PPP1R9A: variants seen among roughly 807,000 people sequenced by gnomAD.
PPP1R9A encodes the protein neurabin-1.
PPP1R9A carries 59 observed loss-of-function variants against 141.9 expected under a neutral mutation model. That is an observed-to-expected ratio of 0.42 (90% confidence interval 0.34 to 0.52). The LOEUF (loss-of-function observed/expected upper bound fraction) is 0.52. Ranked by LOEUF, PPP1R9A falls within the 20% of genes least tolerant of loss-of-function variation. The pLI, the probability that PPP1R9A is intolerant of heterozygous loss-of-function variation, is 0.10. For missense variants in PPP1R9A, 1,444 were observed against 1,611.9 expected (o/e 0.90, Z 1.78); for synonymous variants, 500 against 569.7 (o/e 0.88, Z 1.74).
At chr7:95,020,098 A>G (rs541491199) in intron 2 of PPP1R9A, among the ~76,000 whole-genome samples, 27 of 152,218 alleles carry the variant, frequency 1.8e-4, no homozygotes, top group African/African-American at 6.3e-4. Context: ...ATTACCCTTA[A>G]AGAAGCCAGA....
At chr7:95,041,451 A>G (rs1219659834) in intron 2 of PPP1R9A, among the ~76,000 whole-genome samples, 1 of 152,172 alleles carries the variant, frequency 6.6e-6, no homozygotes, top group African/African-American at 2.4e-5. Context: ...ATCATATTTC[A>G]TCTTGACAAT....
In PPP1R9A at chr7:95,269,462, C is replaced by G. The variant is rs1563533192; in HGVS notation, c.3079C>G (p.Pro1027Ala). The change falls in exon 14 of 20, where the codon CCT (proline) becomes GCT (alanine). Residue 1027 changes from proline (P) to alanine (A), a missense_variant. By Grantham distance (27) the Pro-to-Ala change is conservative. Around this residue, in one of 5 missense-constraint regions of PPP1R9A, gnomAD observed 459 missense variants for 513.8 expected, o/e 0.89. Transcript: ENST00000433360. ...GTCTGATCATGATGTGGAAGAATCT[C>G]CTTGCCATCACCAAACCACCAACAA... ...SKSDHDVEESPCHHQTTNKKI... is the reference protein window; with the variant it reads ...SKSDHDVEESACHHQTTNKKI... 6.3e-7 allele frequency: 1 copy of G among 1,588,688 alleles called. No individual in the cohort carries two copies. The highest frequency in any genetic ancestry group is 8.5e-7 in the Non-Finnish European group (1 of 1,171,874).
chr7:94,922,460 C>A (rs1245325453), intron 2 of PPP1R9A, among the ~76,000 whole-genome samples: 1 of 151,946 alleles, frequency 6.6e-6, no homozygotes, highest in Non-Finnish European at 1.5e-5. Context: ...TTAGTAAAGA[C>A]TACATCAATG....
intron 2 of PPP1R9A, among the ~76,000 whole-genome samples, chr7:95,009,875 G>A (rs1804168335): frequency 6.6e-6 from 1 of 152,108 alleles, no homozygotes; most frequent in South Asian, 2.1e-4. Context: ...TTGCCACATA[G>A]GGAAAATAGT....
chr7:95,132,545 A>G (rs1264954421), intron 4 of PPP1R9A, among the ~76,000 whole-genome samples: 1 of 152,142 alleles, frequency 6.6e-6, no homozygotes, highest in Non-Finnish European at 1.5e-5. Flanking sequence ...TGGGTGAGAA[A>G]CACACCTAGC....
At chr7:94,976,186 G>C (rs946895828) in intron 2 of PPP1R9A, among the ~76,000 whole-genome samples, 2 of 152,052 alleles carry the variant, frequency 1.3e-5, no homozygotes, top group African/African-American at 4.8e-5. Flanking sequence ...GTATGGTGAT[G>C]ACTGGTATTG....
At chr7:95,102,369 A>G (rs1818902904) in intron 2 of PPP1R9A, among the ~76,000 whole-genome samples, 1 of 152,206 alleles carries the variant, frequency 6.6e-6, no homozygotes. Flanking sequence ...GTAGGTATGA[A>G]TAGTTGAAGA....
rs1001887556 is a variant in PPP1R9A at position 94,907,683 on chromosome 7, A to C, written c.-236A>C. 3 of 151,782 alleles carry C rather than the reference A, an allele frequency of 2.0e-5. No individual in the cohort carries two copies. Among genetic ancestry groups the C allele is most frequent in the Admixed American group, 2.0e-4 (3 of 15,224 alleles). 9.4% of individuals were successfully genotyped at this position (151,782 alleles called of 1,614,324 possible). On this transcript the variant is annotated 5_prime_UTR_variant, in exon 1 of 20. Coordinates refer to ENST00000433360, the MANE Select transcript of PPP1R9A (RefSeq NM_001166160.2). ...GGGCTCCCTCTCTCTGCGGCCCTAGAGTTAATCCCATCAGCCGAGGTGAGG... is the reference window on the plus strand; with the variant it reads ...GGGCTCCCTCTCTCTGCGGCCCTAGCGTTAATCCCATCAGCCGAGGTGAGG...
At chr7:95,221,697 A>T (rs2152943419) in intron 7 of PPP1R9A, among the ~76,000 whole-genome samples, 1 of 152,210 alleles carries the variant, frequency 6.6e-6, no homozygotes, top group East Asian at 1.9e-4. Flanking sequence ...GCTCAAGAAA[A>T]TTAGGTATGA....
chr7:94,960,659 AT>A (rs2151118475), intron 2 of PPP1R9A, among the ~76,000 whole-genome samples: 1 of 151,836 alleles, frequency 6.6e-6, no homozygotes, highest in African/African-American at 2.4e-5. Flanking sequence ...CATAAAGTTT[AT>A]TTACACATAA....
At chr7:94,981,655 C>G (rs1800126360) in intron 2 of PPP1R9A, among the ~76,000 whole-genome samples, 1 of 152,052 alleles carries the variant, frequency 6.6e-6, no homozygotes, top group East Asian at 1.9e-4. Flanking sequence ...CAGGTGAAGT[C>G]TTCATCTTAG....
chr7:95,057,986 A>G lies in PPP1R9A; in HGVS notation c.1396-53273A>G, dbSNP rs532615840. Among the ~76,000 whole-genome samples the G allele has an allele frequency of 6.5e-4, 99 of 152,330 alleles. 1 individual carries two copies. Among genetic ancestry groups the G allele is most frequent in the South Asian group, 1.7e-3 (8 of 4,830 alleles). ...GTCAATTAGAGAGATATGTAGACCA[A>G]TGGTTATAAACCAGAGTACTAGAAA... On this transcript the variant is annotated intron_variant, in intron 2 of 19. Transcript: ENST00000433360.
chr7:95,111,016 T>C (rs147642459), intron 2 of PPP1R9A, among the ~76,000 whole-genome samples: 21 of 152,326 alleles, frequency 1.4e-4, no homozygotes, highest in Non-Finnish European at 2.6e-4. Context: ...ACATAATGTG[T>C]TCTGAGGCTA....
At chr7:95,095,171 G>C (rs993966214) in intron 2 of PPP1R9A, among the ~76,000 whole-genome samples, 1 of 152,202 alleles carries the variant, frequency 6.6e-6, no homozygotes, top group African/African-American at 2.4e-5. Flanking sequence ...AGGAGGTACA[G>C]ATGATTGCTG....
intron 2 of PPP1R9A, among the ~76,000 whole-genome samples, chr7:95,087,634 C>T (rs58778414): frequency 0.23 from 34,555 of 151,998 alleles, 4,969 homozygotes; most frequent in South Asian, 0.43. Context: ...CGCTGGCTCA[C>T]GCCTTTAATC....
intron 14 of PPP1R9A, among the ~76,000 whole-genome samples, chr7:95,271,126 G>T (rs1460204490): frequency 6.6e-6 from 1 of 152,154 alleles, no homozygotes; most frequent in Non-Finnish European, 1.5e-5. Flanking sequence ...AAGGTACAAG[G>T]CTATCCCAGC....
At chr7:95,015,089 G>T (rs1563122085) in intron 2 of PPP1R9A, among the ~76,000 whole-genome samples, 3 of 151,900 alleles carry the variant, frequency 2.0e-5, no homozygotes, top group African/African-American at 7.2e-5. Flanking sequence ...AGGAGCTATA[G>T]TTTCTTTTAT....
chr7:95,134,515 C>G (rs1169161091), intron 4 of PPP1R9A, among the ~76,000 whole-genome samples: 1 of 152,212 alleles, frequency 6.6e-6, no homozygotes, highest in East Asian at 1.9e-4. Flanking sequence ...CGGCTCACCA[C>G]AACCTCTGCC....
chr7:95,051,764 CA>C (rs1244310817), intron 2 of PPP1R9A, among the ~76,000 whole-genome samples: 1 of 150,692 alleles, frequency 6.6e-6, no homozygotes, highest in Non-Finnish European at 1.5e-5. Context: ...GCCAAAACAA[CA>C]AAAAAAGTCA....
Sources: gnomAD v4.1 joint callset for allele counts (sites outside exome capture counted in the v4.1 genomes callset) on GRCh38, gnomAD v4.1.1 for gene constraint, gnomAD v4.1.1 regional missense constraint, MANE v1.5 for transcripts, NCBI Gene and HGNC (gene_info 2026-07-23, HGNC 2026-07-21) for gene names.